Variants in RIT2 observed in about 807,000 individuals in gnomAD.
RIT2 encodes Ras like without CAAX 2, also known as GTP-binding protein Rit2.
Under a neutral mutation model 23.7 loss-of-function variants are expected in RIT2, and 24 were observed. The observed-to-expected ratio is 1.01, with a 90% CI of 0.73 to 1.43. The LOEUF (loss-of-function observed/expected upper bound fraction) is 1.43, where lower values mean the gene tolerates loss of function less well. RIT2 is among the 40% of genes most tolerant of loss of function. RIT2 has a pLI of 0.00. For missense variants in RIT2, 236 were observed against 266.9 expected (o/e 0.88, Z 0.81); for synonymous variants, 107 against 91.1 (o/e 1.17, Z -0.99).
chr18:43,011,222 G>C (rs1911343250), intron 2 of RIT2, among the ~76,000 whole-genome samples: 1 of 151,788 alleles, frequency 6.6e-6, no homozygotes, highest in Admixed American at 6.6e-5. Context: ...TCAAGGAGGA[G>C]CAGGAAGGTG....
intron 4 of RIT2, among the ~76,000 whole-genome samples, chr18:42,852,240 A>G (rs1274843313): frequency 6.6e-6 from 1 of 152,250 alleles, no homozygotes; most frequent in Admixed American, 6.5e-5. Flanking sequence ...ATACATTTAG[A>G]TGAATTAATC....
intron 4 of RIT2, among the ~76,000 whole-genome samples, chr18:42,806,190 C>T (rs1356378948): frequency 2.7e-5 from 4 of 150,270 alleles, no homozygotes; most frequent in South Asian, 2.1e-4. Context: ...TTATTTTGGT[C>T]GGGCACAGTG....
intron 4 of RIT2, among the ~76,000 whole-genome samples, chr18:42,900,104 G>A (rs557607785): frequency 3.1e-4 from 47 of 151,922 alleles, no homozygotes; most frequent in African/African-American, 1.0e-3. Context: ...CTTAGAGTAC[G>A]CATTATATGT....
At chr18:43,072,996 G>T (rs528026463) in intron 1 of RIT2, among the ~76,000 whole-genome samples, 1 of 152,030 alleles carries the variant, frequency 6.6e-6, no homozygotes, top group Admixed American at 6.6e-5. Context: ...TACCCTTTCC[G>T]TATGTTTCAA....
chr18:42,764,059 A>G (rs779942275), intron 4 of RIT2, among the ~76,000 whole-genome samples: 7 of 152,242 alleles, frequency 4.6e-5, no homozygotes, highest in Non-Finnish European at 8.8e-5. Flanking sequence ...GGTGAGTGAC[A>G]CTAAATTGTT....
intron 1 of RIT2, among the ~76,000 whole-genome samples, chr18:43,082,608 A>G: frequency 6.6e-6 from 1 of 152,168 alleles, no homozygotes; most frequent in Non-Finnish European, 1.5e-5. Flanking sequence ...CATCACATAA[A>G]CAGAACCAAT....
At chr18:42,961,289 GC>G (rs1598730992) in intron 3 of RIT2, among the ~76,000 whole-genome samples, 1 of 152,074 alleles carries the variant, frequency 6.6e-6, no homozygotes, top group East Asian at 1.9e-4. Flanking sequence ...ATAAATATCT[GC>G]TTAGAAATAC....
At chr18:42,841,903 T>C (rs887388059) in intron 4 of RIT2, among the ~76,000 whole-genome samples, 2 of 152,214 alleles carry the variant, frequency 1.3e-5, no homozygotes, top group Non-Finnish European at 2.9e-5. Flanking sequence ...AGCTTTGTCA[T>C]AAAGCTTATG....
At chr18:42,832,225 T>G (rs1906478990) in intron 4 of RIT2, among the ~76,000 whole-genome samples, 1 of 152,188 alleles carries the variant, frequency 6.6e-6, no homozygotes, top group Admixed American at 6.5e-5. Flanking sequence ...ATTTAATCAT[T>G]TAGTATTTGG....
At chr18:42,956,513 C>A (rs1352585075) in intron 3 of RIT2, among the ~76,000 whole-genome samples, 1 of 152,128 alleles carries the variant, frequency 6.6e-6, no homozygotes, top group Non-Finnish European at 1.5e-5. Flanking sequence ...TTCCTCTCTG[C>A]TCCATTTCGT....
At chr18:42,997,896 C>T (rs1911022497) in intron 2 of RIT2, among the ~76,000 whole-genome samples, 1 of 152,058 alleles carries the variant, frequency 6.6e-6, no homozygotes, top group African/African-American at 2.4e-5. Context: ...TGATCATTGA[C>T]ATAGAGTTAT....
chr18:42,905,340 G>C (rs1331102776), intron 4 of RIT2, among the ~76,000 whole-genome samples: 1 of 152,026 alleles, frequency 6.6e-6, no homozygotes, highest in East Asian at 1.9e-4. Flanking sequence ...CATCTATATG[G>C]ATGTACCTGT....
intron 4 of RIT2, among the ~76,000 whole-genome samples, chr18:42,771,932 A>G (rs187019608): frequency 2.2e-4 from 34 of 152,268 alleles, no homozygotes; most frequent in Non-Finnish European, 1.9e-4. Flanking sequence ...ATTTGCTGAT[A>G]GGACATTTAT....
chr18:42,870,479 G>T (rs1294921406), intron 4 of RIT2, among the ~76,000 whole-genome samples: 2 of 152,112 alleles, frequency 1.3e-5, no homozygotes, highest in African/African-American at 4.8e-5. Flanking sequence ...CTCTCAAAGT[G>T]CTGGGATTAC....
At chr18:42,865,356 C>A (rs1488130093) in intron 4 of RIT2, among the ~76,000 whole-genome samples, 1 of 152,162 alleles carries the variant, frequency 6.6e-6, no homozygotes, top group Non-Finnish European at 1.5e-5. Flanking sequence ...TTGTTATTAC[C>A]AGCACAGATA....
intron 1 of RIT2, among the ~76,000 whole-genome samples, chr18:43,068,592 G>A (rs148164123): frequency 7.2e-5 from 11 of 152,256 alleles, no homozygotes; most frequent in Middle Eastern, 3.4e-3. Context: ...GTGGTCAATT[G>A]CATAACTGCA....
At chr18:42,925,284 T>C (rs948021194) in intron 3 of RIT2, among the ~76,000 whole-genome samples, 1 of 152,062 alleles carries the variant, frequency 6.6e-6, no homozygotes, top group Non-Finnish European at 1.5e-5. Flanking sequence ...AGTTCTGACA[T>C]ACTCTGATTT....
rs76556023 is a variant in RIT2, at chr18:43,063,991, A to C, written c.104-30124T>G. On this transcript the variant is annotated intron_variant, in intron 1 of 4. Transcript: ENST00000326695. ...CACTGGTTTTACAGATGAAAAATTT[A>C]CGTCCAGAGAAGGTAAAGGATTTGA... Among the ~76,000 whole-genome samples, 1,119 of 152,312 alleles carry C rather than the reference A, an allele frequency of 7.3e-3. 8 individuals carry two copies. The highest frequency in any genetic ancestry group is 0.037 in the Middle Eastern group (11 of 294).
chr18:43,022,078 GAATA>G (rs1414836953), intron 2 of RIT2, among the ~76,000 whole-genome samples: 2 of 152,042 alleles, frequency 1.3e-5, no homozygotes, highest in Non-Finnish European at 2.9e-5. Context: ...ATGGATGAAT[GAATA>G]AAGAAAACGT....
Sources: gnomAD v4.1 joint callset for allele counts (sites outside exome capture counted in the v4.1 genomes callset) on GRCh38, gnomAD v4.1.1 for gene constraint, MANE v1.5 for transcripts, NCBI Gene and HGNC (gene_info 2026-07-23, HGNC 2026-07-21) for gene names.